ATP13A4: variants seen among roughly 807,000 people sequenced by gnomAD.
ATP13A4 encodes probable cation-transporting ATPase 13A4.
In ATP13A4, 114 loss-of-function variants were observed where a neutral mutation model predicts 142.5. The ratio of observed to expected loss-of-function variants is 0.80; its 90% CI spans 0.69 to 0.93. The LOEUF is 0.93. ATP13A4 is among the 40% of genes least tolerant of loss of function. The pLI, the probability that ATP13A4 is intolerant of heterozygous loss-of-function variation, is 0.00. For missense variants in ATP13A4, 1,392 were observed against 1,454.0 expected (o/e 0.96, Z 0.69); for synonymous variants, 488 against 514.8 (o/e 0.95, Z 0.70).
chr3:193,527,373 G>T (rs946924469), intron 1 of ATP13A4, among the ~76,000 whole-genome samples: 8 of 152,112 alleles, frequency 5.3e-5, no homozygotes, highest in African/African-American at 1.4e-4. Context: ...CAGCACTATG[G>T]GGGGGCCAAC....
chr3:193,545,284 GAA>G (rs1363455998), intron 1 of ATP13A4, among the ~76,000 whole-genome samples: 3 of 152,190 alleles, frequency 2.0e-5, no homozygotes, highest in African/African-American at 7.2e-5. Context: ...TGGAAATGCT[GAA>G]GTGATTACAG....
At chr3:193,450,184 T>C (rs1356331863) in intron 17 of ATP13A4, among the ~76,000 whole-genome samples, 1 of 152,160 alleles carries the variant, frequency 6.6e-6, no homozygotes, top group Non-Finnish European at 1.5e-5. Flanking sequence ...TATTTCACTG[T>C]AACTCACATT....
At chr3:193,448,496 C>T (rs1237247975) in intron 17 of ATP13A4, among the ~76,000 whole-genome samples, 166 bp from the exon 18 acceptor site, 4 of 152,116 alleles carry the variant, frequency 2.6e-5, no homozygotes, top group South Asian at 2.1e-4. Context: ...CCACCACGCC[C>T]GGCTAATTTT....
intron 1 of ATP13A4, among the ~76,000 whole-genome samples, chr3:193,588,528 A>C (rs183958990): frequency 8.5e-5 from 13 of 152,282 alleles, no homozygotes; most frequent in Non-Finnish European, 1.6e-4. Context: ...CTTTCAAAGA[A>C]TCTCTCACTT....
chr3:193,425,789 C>A (rs1715629656), intron 25 of ATP13A4, among the ~76,000 whole-genome samples: 1 of 151,660 alleles, frequency 6.6e-6, no homozygotes, highest in Non-Finnish European at 1.5e-5. Context: ...GGAATAAGTT[C>A]TATTGTTCTA....
At chr3:193,472,100 A>G (rs1381741312) in intron 8 of ATP13A4, among the ~76,000 whole-genome samples, 3 of 152,196 alleles carry the variant, frequency 2.0e-5, no homozygotes, top group Admixed American at 2.0e-4. Context: ...GATTGGTTGC[A>G]TCCAGGCAGA....
At chr3:193,511,726 A>T (rs1358898418) in intron 2 of ATP13A4, among the ~76,000 whole-genome samples, 2 of 152,204 alleles carry the variant, frequency 1.3e-5, no homozygotes, top group Non-Finnish European at 2.9e-5. Flanking sequence ...GTTAGGTAAC[A>T]AACCTAAAGT....
At chr3:193,589,957 G>A (rs1323979192) in intron 1 of ATP13A4, among the ~76,000 whole-genome samples, 7 of 99,860 alleles carry the variant, frequency 7.0e-5, no homozygotes, top group African/African-American at 2.3e-4. Context: ...GTGTTCTTTT[G>A]CCAAAAAAAA....
At chr3:193,512,559 C>T (rs549965250) in intron 2 of ATP13A4, among the ~76,000 whole-genome samples, 1 of 152,268 alleles carries the variant, frequency 6.6e-6, no homozygotes, top group African/African-American at 2.4e-5. Context: ...AATATGGCCC[C>T]TTATAAGAAT....
intron 2 of ATP13A4, among the ~76,000 whole-genome samples, chr3:193,503,680 C>A (rs1223017230): frequency 2.0e-5 from 3 of 152,188 alleles, no homozygotes; most frequent in Admixed American, 1.3e-4. Context: ...TTATATTCAT[C>A]CTCCTAAGAG....
intron 13 of ATP13A4, among the ~76,000 whole-genome samples, chr3:193,461,600 T>A (rs1397123257): frequency 6.6e-6 from 1 of 152,254 alleles, no homozygotes; most frequent in Non-Finnish European, 1.5e-5. Flanking sequence ...CATTTTAATA[T>A]GACAATTATT....
chr3:193,433,427 C>G (rs1486263615), intron 25 of ATP13A4, among the ~76,000 whole-genome samples: 2 of 152,084 alleles, frequency 1.3e-5, no homozygotes, highest in East Asian at 3.8e-4. Flanking sequence ...GCAAGATTAC[C>G]TTTAAGCTTC....
chr3:193,418,756 C>T (rs1452867352), intron 25 of ATP13A4, among the ~76,000 whole-genome samples: 1 of 149,884 alleles, frequency 6.7e-6, no homozygotes, highest in Admixed American at 6.9e-5. Flanking sequence ...AACAGTGTGC[C>T]CTTCCCCCTG....
intron 7 of ATP13A4, 32 bp downstream of exon 7, chr3:193,489,698 T>C (rs749867069): frequency 1.3e-6 from 2 of 1,587,560 alleles, no homozygotes; most frequent in African/African-American, 1.3e-5. Flanking sequence ...TCCTTCCCTT[T>C]ATGAAACCAT....
At position 193,400,197 on chromosome 3, in the gene ATP13A4, C is replaced by T. The variant is rs925341581; in HGVS notation, c.*2455G>A. 2.0e-5 allele frequency among the ~76,000 whole-genome samples: 3 copies of T among 152,218 alleles called. No individual in the cohort carries two copies. Among genetic ancestry groups the T allele is most frequent in the Non-Finnish European group, 2.9e-5 (2 of 68,044 alleles). ...CTGACTGTTTTCTTTCCAGGCTGGG[C>T]ACTCCCTGTTCCTTCAATTACTGCT... On this transcript the variant is annotated 3_prime_UTR_variant, in exon 30 of 30. Transcript: ENST00000342695.
intron 2 of ATP13A4, among the ~76,000 whole-genome samples, chr3:193,573,281 A>ATATATGTG (rs1326155370): frequency 2.0e-5 from 2 of 99,884 alleles, no homozygotes; most frequent in African/African-American, 4.8e-5. Context: ...ATATACATAT[A>ATATATGTG]TATATATACA....
At chr3:193,537,584 T>C (rs1034320765) in intron 1 of ATP13A4, among the ~76,000 whole-genome samples, 1 of 151,914 alleles carries the variant, frequency 6.6e-6, no homozygotes, top group Non-Finnish European at 1.5e-5. Context: ...AAAGGAAAAA[T>C]TGACAAATTG....
chr3:193,457,251 G>A, intron 15 of ATP13A4, 98 bp from the exon 16 acceptor site: 5 of 1,581,132 alleles, frequency 3.2e-6, no homozygotes, highest in Non-Finnish European at 4.3e-6. Flanking sequence ...TAACAAATAA[G>A]GGGGAAGGTC....
chr3:193,516,386 A>G (rs1272236079), intron 1 of ATP13A4, among the ~76,000 whole-genome samples: 1 of 152,228 alleles, frequency 6.6e-6, no homozygotes, highest in African/African-American at 2.4e-5. Context: ...TAACTCAGAA[A>G]TACAATCTCT....
Sources: gnomAD v4.1 joint callset for allele counts (sites outside exome capture counted in the v4.1 genomes callset) on GRCh38, gnomAD v4.1.1 for gene constraint, MANE v1.5 for transcripts, NCBI Gene and HGNC (gene_info 2026-07-23, HGNC 2026-07-21) for gene names.